Variants in CNTN5 observed in about 807,000 individuals in gnomAD.
CNTN5 encodes the protein contactin 5.
A neutral mutation model predicts 129.1 loss-of-function variants in CNTN5; 77 were observed. That is an observed-to-expected ratio of 0.60 (90% CI 0.50 to 0.72). CNTN5 has a LOEUF of 0.72. CNTN5 is among the 30% of genes least tolerant of loss of function. The probability of loss-of-function intolerance (pLI) is 0.00; values close to 1 mark genes in which losing one functional copy is unlikely to be tolerated. For missense variants in CNTN5, 1,478 were observed against 1,328.8 expected (o/e 1.11, Z -1.75); for synonymous variants, 509 against 465.6 (o/e 1.09, Z -1.20).
At chr11:99,833,111 C>T (rs1037538705) in intron 4 of CNTN5, among the ~76,000 whole-genome samples, 2 of 152,272 alleles carry the variant, frequency 1.3e-5, no homozygotes, top group South Asian at 4.1e-4. Flanking sequence ...AAAAGCAATC[C>T]TTTCTGAGAA....
rs1014330113 is a variant in CNTN5, at chr11:99,981,103, T to TATATATATATATATATAC, written c.878-20930_878-20929insTATATATATATATATACA. Among the ~76,000 whole-genome samples the TATATATATATATATATAC allele has an allele frequency of 3.0e-3, 161 of 54,378 alleles. 1 individual carries two copies. Among genetic ancestry groups the TATATATATATATATATAC allele is most frequent in the Middle Eastern group, 0.018 (1 of 56 alleles). The allele number at this position is 54,378 out of a possible 152,430, so 35.7% of individuals were successfully genotyped here. ...ATATATATATATATATATATATATA[T>TATATATATATATATATAC]ACACACACACACACATATATGAAAG... On this transcript the variant is annotated intron_variant, in intron 8 of 24. Transcript: ENST00000524871.
chr11:99,714,951 G>T (rs146269131), intron 3 of CNTN5, among the ~76,000 whole-genome samples: 1 of 151,316 alleles, frequency 6.6e-6, no homozygotes, highest in Non-Finnish European at 1.5e-5. Flanking sequence ...TGTGGTGTTG[G>T]AAAGCTAGCA....
intron 2 of CNTN5, among the ~76,000 whole-genome samples, chr11:99,418,110 C>A (rs1657815815): frequency 6.6e-6 from 1 of 152,040 alleles, no homozygotes; most frequent in South Asian, 2.1e-4. Flanking sequence ...GAAAAGTCAG[C>A]CTTGCTAAGG....
intron 13 of CNTN5, among the ~76,000 whole-genome samples, chr11:100,101,322 C>T (rs929849908): frequency 7.9e-5 from 12 of 152,026 alleles, no homozygotes; most frequent in African/African-American, 4.8e-5. Flanking sequence ...GATATTCTGA[C>T]AGTGAGAATG....
intron 3 of CNTN5, among the ~76,000 whole-genome samples, chr11:99,742,866 G>A (rs970187): frequency 0.035 from 5,366 of 152,234 alleles, 172 homozygotes; most frequent in Non-Finnish European, 0.049. Flanking sequence ...TCCAGTCAAT[G>A]TTTTAGAGCC....
At chr11:99,050,526 T>A (rs1015395836) in intron 1 of CNTN5, among the ~76,000 whole-genome samples, 4 of 151,832 alleles carry the variant, frequency 2.6e-5, no homozygotes, top group African/African-American at 9.7e-5. Context: ...AGCCATACTT[T>A]AAGGAAATAA....
At chr11:99,644,291 T>C (rs1333371220) in intron 3 of CNTN5, among the ~76,000 whole-genome samples, 6 of 152,200 alleles carry the variant, frequency 3.9e-5, no homozygotes, top group Non-Finnish European at 8.8e-5. Flanking sequence ...TGAACACATA[T>C]GTGAAGAAGG....
intron 13 of CNTN5, among the ~76,000 whole-genome samples, chr11:100,123,235 A>G (rs557896096): frequency 6.6e-6 from 1 of 152,172 alleles, no homozygotes; most frequent in East Asian, 1.9e-4. Flanking sequence ...AAATCAGTCC[A>G]TCACAATTTC....
chr11:100,109,918 C>T (rs1945588493), intron 13 of CNTN5, among the ~76,000 whole-genome samples: 1 of 152,104 alleles, frequency 6.6e-6, no homozygotes, highest in Non-Finnish European at 1.5e-5. Context: ...GTGGCTCATG[C>T]CTGTAATCCC....
intron 1 of CNTN5, among the ~76,000 whole-genome samples, chr11:99,250,009 T>C (rs1862019794): frequency 1.3e-5 from 2 of 152,002 alleles, no homozygotes; most frequent in African/African-American, 4.8e-5. Flanking sequence ...TATTCTGCTT[T>C]AGGGAATTTT....
At chr11:99,211,525 C>A (rs1210168190) in intron 1 of CNTN5, among the ~76,000 whole-genome samples, 2 of 150,274 alleles carry the variant, frequency 1.3e-5, no homozygotes, top group East Asian at 4.0e-4. Flanking sequence ...TTGTACAATT[C>A]TAAAAATTTT....
intron 8 of CNTN5, among the ~76,000 whole-genome samples, chr11:99,979,987 G>A (rs1479790023): frequency 3.9e-5 from 6 of 152,254 alleles, no homozygotes. Flanking sequence ...TATAGCTAAA[G>A]GAGTTACAAG....
chr11:99,267,919 C>T (rs933560446), intron 1 of CNTN5, among the ~76,000 whole-genome samples: 7 of 81,646 alleles, frequency 8.6e-5, no homozygotes, highest in South Asian at 5.4e-4. Flanking sequence ...CACACACACA[C>T]GCACACACAC....
intron 9 of CNTN5, among the ~76,000 whole-genome samples, chr11:100,017,890 A>G (rs913124183): frequency 7.2e-5 from 11 of 152,004 alleles, no homozygotes; most frequent in Admixed American, 3.3e-4. Context: ...GGTTTTATTG[A>G]CTATGTGTTA....
At chr11:99,695,578 C>T (rs1319576448) in intron 3 of CNTN5, among the ~76,000 whole-genome samples, 1 of 151,920 alleles carries the variant, frequency 6.6e-6, no homozygotes, top group African/African-American at 2.4e-5. Flanking sequence ...GAAAGAGGCA[C>T]TGGATTATGG....
chr11:99,807,936 C>A (rs1946321541), intron 3 of CNTN5, among the ~76,000 whole-genome samples: 1 of 152,014 alleles, frequency 6.6e-6, no homozygotes, highest in Non-Finnish European at 1.5e-5. Context: ...TCTTCAGGTA[C>A]CACCGTTTTG....
intron 3 of CNTN5, among the ~76,000 whole-genome samples, chr11:99,657,125 G>A (rs761991075): frequency 5.3e-5 from 8 of 150,858 alleles, no homozygotes; most frequent in East Asian, 1.9e-4. Flanking sequence ...TGAAAAAATC[G>A]CAAACCTCCA....
intron 6 of CNTN5, among the ~76,000 whole-genome samples, chr11:99,873,631 C>G (rs538587577): frequency 2.6e-5 from 4 of 152,186 alleles, no homozygotes; most frequent in South Asian, 4.1e-4. Flanking sequence ...TAAATTCAAT[C>G]TTTATGGAAA....
chr11:99,398,368 T>G (rs565243512), intron 2 of CNTN5, among the ~76,000 whole-genome samples: 1 of 152,128 alleles, frequency 6.6e-6, no homozygotes, highest in South Asian at 2.1e-4. Flanking sequence ...ACCTCCTGAA[T>G]GAATTATTTG....
Sources: allele counts gnomAD v4.1 joint callset (sites outside exome capture counted in the v4.1 genomes callset), GRCh38; gene constraint gnomAD v4.1.1; transcripts MANE v1.5; gene names NCBI Gene and HGNC (gene_info 2026-07-23, HGNC 2026-07-21).